Variants in IQGAP2 observed in about 807,000 individuals in gnomAD.
IQGAP2 encodes the protein IQ motif containing GTPase activating protein 2, also known as ras GTPase-activating-like protein IQGAP2.
Under a neutral mutation model 201.3 loss-of-function variants are expected in IQGAP2, and 173 were observed. The ratio of observed to expected loss-of-function variants is 0.86; its 90% CI spans 0.76 to 0.98. IQGAP2 has a LOEUF of 0.98. Among genes scored for constraint, IQGAP2 ranks in the 50% least tolerant of loss-of-function variants. IQGAP2 has a pLI of 0.00. For synonymous variants in IQGAP2, 675 were observed against 673.9 expected, an observed-to-expected ratio of 1.00 and a Z score of -0.03; for missense variants, 1,687 against 1,864.8, an observed-to-expected ratio of 0.90 and a Z score of 1.76.
intron 2 of IQGAP2, among the ~76,000 whole-genome samples, chr5:76,474,780 A>G (rs976951631): frequency 6.6e-6 from 1 of 152,130 alleles, no homozygotes; most frequent in African/African-American, 2.4e-5. Context: ...CTATAAGGCC[A>G]TCTCTAAGGA....
Position 76,520,044 on chromosome 5 carries a change from C to T in IQGAP2, c.147-42352C>T, listed in dbSNP as rs202223130. ...AAAAGTCTTTAATTTCAATAAAGTC[C>T]AATTTATCTTTTTTTTTTTCATTAA... On this transcript the variant is annotated intron_variant, in intron 2 of 35. Coordinates refer to ENST00000274364, the MANE Select transcript of IQGAP2 (RefSeq NM_006633.5). 1.1e-4 allele frequency among the ~76,000 whole-genome samples: 16 copies of T among 151,418 alleles called. No homozygotes were observed. The East Asian group carries it at 2.9e-3, about 27-fold the overall frequency.
chr5:76,584,243 A>C (rs1746088219), intron 5 of IQGAP2, among the ~76,000 whole-genome samples: 1 of 152,168 alleles, frequency 6.6e-6, no homozygotes, highest in Admixed American at 6.6e-5. Context: ...AACAGAGCAT[A>C]ATGTGAAAAC....
intron 2 of IQGAP2, among the ~76,000 whole-genome samples, chr5:76,550,748 C>T (rs1000442000): frequency 2.0e-5 from 3 of 152,236 alleles, no homozygotes; most frequent in African/African-American, 7.2e-5. Context: ...CCCATGTCTA[C>T]TTCTTTCTAC....
At chr5:76,574,343 A>G (rs543799134) in intron 4 of IQGAP2, among the ~76,000 whole-genome samples, 11 of 152,202 alleles carry the variant, frequency 7.2e-5, no homozygotes, top group African/African-American at 2.6e-4. Context: ...TGTTCTTGTC[A>G]CCCAGGCTGG....
At chr5:76,437,140 C>A (rs1752753295) in intron 1 of IQGAP2, among the ~76,000 whole-genome samples, 1 of 152,014 alleles carries the variant, frequency 6.6e-6, no homozygotes, top group Admixed American at 6.5e-5. Context: ...CAACCTCTGC[C>A]TTTTGGGTTC....
intron 2 of IQGAP2, chr5:76,510,787 G>GC (rs1757915210): frequency 4.4e-6 from 2 of 455,160 alleles, no homozygotes. Flanking sequence ...CTTGGCACCT[G>GC]CCCCCACCTC....
At chr5:76,595,270 T>TTTTTTTTTTTTC (rs1561492899) in intron 9 of IQGAP2, among the ~76,000 whole-genome samples, 3 of 123,156 alleles carry the variant, frequency 2.4e-5, no homozygotes, top group African/African-American at 9.8e-5. Flanking sequence ...TTTTTTTTTT[T>TTTTTTTTTTTTC]TCCGGACAGG....
intron 2 of IQGAP2, among the ~76,000 whole-genome samples, chr5:76,534,063 T>G (rs191011297): frequency 3.3e-5 from 5 of 152,354 alleles, no homozygotes; most frequent in African/African-American, 1.2e-4. Flanking sequence ...CTCCTATATA[T>G]TCTTCTCATG....
intron 28 of IQGAP2, among the ~76,000 whole-genome samples, chr5:76,681,109 A>C (rs1745250228): frequency 6.6e-6 from 1 of 150,682 alleles, no homozygotes; most frequent in Non-Finnish European, 1.5e-5. Flanking sequence ...AAAAAAAAAA[A>C]AAAAAAACTT....
intron 9 of IQGAP2, among the ~76,000 whole-genome samples, chr5:76,593,132 A>G (rs572437568): frequency 7.2e-5 from 11 of 152,266 alleles, no homozygotes; most frequent in African/African-American, 2.6e-4. Context: ...AGTCCACACA[A>G]AGTATCCTGA....
chr5:76,592,733 A>G (rs1284265272), intron 8 of IQGAP2, 105 bp from the exon 9 acceptor site: 23 of 763,778 alleles, frequency 3.0e-5, no homozygotes, highest in Non-Finnish European at 5.3e-5. Context: ...GAATTTAAAT[A>G]ATTAGGGAAT....
chr5:76,425,642 A>G lies in IQGAP2; in HGVS notation c.46+22051A>G, dbSNP rs544201804. On this transcript the variant is annotated intron_variant, in intron 1 of 35. Transcript: ENST00000274364. ...ACTTGTAAGTATTATAAGCAAAAGA[A>G]AAAAAAACCCACATTAGTTCTCATA... 3.5e-4 allele frequency among the ~76,000 whole-genome samples: 54 copies of G among 152,232 alleles called. No homozygotes were observed. The South Asian group carries it at 0.01, about 29-fold the overall frequency.
intron 22 of IQGAP2, among the ~76,000 whole-genome samples, chr5:76,668,334 C>A (rs1743975635): frequency 6.6e-6 from 1 of 151,508 alleles, no homozygotes; most frequent in Non-Finnish European, 1.5e-5. Flanking sequence ...TCATTTAAAT[C>A]CTATCATAAT....
intron 1 of IQGAP2, among the ~76,000 whole-genome samples, chr5:76,426,340 T>A (rs1289759136): frequency 6.6e-6 from 1 of 152,180 alleles, no homozygotes; most frequent in South Asian, 2.1e-4. Context: ...GTGCCAGCCC[T>A]GGGCAAGCCA....
At chr5:76,443,605 C>T (rs1363917618) in intron 1 of IQGAP2, among the ~76,000 whole-genome samples, 1 of 151,952 alleles carries the variant, frequency 6.6e-6, no homozygotes, top group Non-Finnish European at 1.5e-5. Flanking sequence ...GCTCTCTGAG[C>T]TGTTTTCTTC....
chr5:76,676,820 ATT>A (rs1204101667), intron 27 of IQGAP2, among the ~76,000 whole-genome samples: 1 of 152,234 alleles, frequency 6.6e-6, no homozygotes, highest in Non-Finnish European at 1.5e-5. Flanking sequence ...AAAGCAGCAA[ATT>A]TGACTAATTG....
intron 2 of IQGAP2, among the ~76,000 whole-genome samples, chr5:76,484,627 A>G (rs545818431): frequency 3.9e-5 from 6 of 152,128 alleles, no homozygotes; most frequent in Admixed American, 1.3e-4. Context: ...CGTTGTGCAC[A>G]TGTACCCTAG....
At position 76,658,497 on chromosome 5, in the gene IQGAP2, T is replaced by A; in HGVS notation, c.2359T>A (p.Phe787Ile). 1 of 1,613,966 alleles carries A rather than the reference T, an allele frequency of 6.2e-7. No homozygotes were observed. The highest frequency in any genetic ancestry group is 8.5e-7 in the Non-Finnish European group (1 of 1,179,954). The change falls in exon 21 of 36, where the codon TTT (phenylalanine) becomes ATT (isoleucine). Residue 787 changes from phenylalanine (F) to isoleucine (I), a missense_variant. By Grantham distance (21) the Phe-to-Ile change is conservative. Coordinates refer to ENST00000274364, the MANE Select transcript of IQGAP2 (RefSeq NM_006633.5). ...ENPPLTVIRK[F>I]VYLLDQSDLD... ...CCCACCATTAACAGTAATTCGCAAATTTGTATACCTGCTGGACCAAAGTGA... is the reference window on the plus strand; with the variant it reads ...CCCACCATTAACAGTAATTCGCAAAATTGTATACCTGCTGGACCAAAGTGA...
chr5:76,609,958 A>G (rs891691094), intron 12 of IQGAP2, among the ~76,000 whole-genome samples: 1 of 149,136 alleles, frequency 6.7e-6, no homozygotes, highest in Non-Finnish European at 1.5e-5. Flanking sequence ...ACCTCCAGAT[A>G]GATCCGTTTC....
Sources: allele counts gnomAD v4.1 joint callset (sites outside exome capture counted in the v4.1 genomes callset), GRCh38; gene constraint gnomAD v4.1.1; transcripts MANE v1.5; gene names NCBI Gene and HGNC (gene_info 2026-07-23, HGNC 2026-07-21).